GFOD1: variants seen among roughly 807,000 people sequenced by gnomAD.
GFOD1 encodes the protein glucose-fructose oxidoreductase domain-containing protein 1.
In GFOD1, 9 loss-of-function variants were observed where a neutral mutation model predicts 25.4. The ratio of observed to expected loss-of-function variants is 0.35; its 90% CI spans 0.21 to 0.62. The LOEUF is 0.62. Ranked by LOEUF, GFOD1 falls within the 20% of genes least tolerant of loss-of-function variation. The pLI is 0.72. For missense variants in GFOD1, 403 were observed against 556.9 expected (o/e 0.72, Z 2.78); for synonymous variants, 253 against 245.6 (o/e 1.03, Z -0.28).
At position 13,402,294 on chromosome 6, in the gene GFOD1, A is replaced by G. The variant is rs534997502; in HGVS notation, c.254-36632T>C. On this transcript the variant is annotated intron_variant, in intron 1 of 1. Coordinates refer to ENST00000379287, the MANE Select transcript of GFOD1 (RefSeq NM_018988.4). The stretch of plus-strand genomic sequence containing the variant: ...CGGGTTTAGGCAAAGCCTTCTCTAG[A>G]TATAATACCAAAAGACAAGTGACTA... Among the ~76,000 whole-genome samples the G allele has an allele frequency of 1.6e-3, 239 of 152,332 alleles. 1 individual carries two copies. The highest frequency in any genetic ancestry group is 5.4e-3 in the African/African-American group (224 of 41,576).
intron 1 of GFOD1, among the ~76,000 whole-genome samples, chr6:13,372,894 A>G (rs867872314): frequency 8.5e-5 from 13 of 152,200 alleles, no homozygotes; most frequent in African/African-American, 2.4e-4. Flanking sequence ...ATCTTCTAGA[A>G]GCCAAAACGG....
intron 1 of GFOD1, among the ~76,000 whole-genome samples, chr6:13,425,303 T>C (rs1786332871): frequency 1.3e-5 from 2 of 152,136 alleles, no homozygotes; most frequent in Non-Finnish European, 2.9e-5. Flanking sequence ...TTAGTTACCA[T>C]TGTTGCCACC....
At chr6:13,477,924 C>T (rs968225511) in intron 1 of GFOD1, among the ~76,000 whole-genome samples, 75 of 151,896 alleles carry the variant, frequency 4.9e-4, no homozygotes, top group Non-Finnish European at 1.0e-4. Flanking sequence ...ATTAGCCAGG[C>T]GTGGTCGCAA....
At chr6:13,441,046 T>A (rs1757906462) in intron 1 of GFOD1, among the ~76,000 whole-genome samples, 2 of 152,232 alleles carry the variant, frequency 1.3e-5, no homozygotes, top group African/African-American at 4.8e-5. Flanking sequence ...CGTGAAGAAG[T>A]CATCTCACAG....
intron 1 of GFOD1, among the ~76,000 whole-genome samples, chr6:13,368,502 G>C (rs542978): frequency 0.014 from 2,146 of 152,268 alleles, 61 homozygotes; most frequent in African/African-American, 0.049. Flanking sequence ...ACCAGGAACA[G>C]ATTTATATGT....
chr6:13,436,072 G>C (rs922414390), intron 1 of GFOD1, among the ~76,000 whole-genome samples: 1 of 152,188 alleles, frequency 6.6e-6, no homozygotes, highest in African/African-American at 2.4e-5. Flanking sequence ...AGTAACAGTG[G>C]TTTCTCCAAG....
At chr6:13,429,113 G>A (rs1391287986) in intron 1 of GFOD1, among the ~76,000 whole-genome samples, 1 of 152,190 alleles carries the variant, frequency 6.6e-6, no homozygotes, top group African/African-American at 2.4e-5. Flanking sequence ...AAAGAGGAAA[G>A]ACCCCAGCAG....
In GFOD1 at chr6:13,365,559, G is replaced by T. The variant is rs756263431; in HGVS notation, c.357C>A (p.Gly119=). ...AAGCCGGCAGGAAGCGCAGCACGTTGCCCATGATGCTCATGAGCTTGGGGT... is the reference window on the plus strand; with the variant it reads ...AAGCCGGCAGGAAGCGCAGCACGTTTCCCATGATGCTCATGAGCTTGGGGT... ...HYYPKLMSIM[G]NVLRFLPAFV... Residue 119 remains glycine (G), a synonymous_variant, in exon 2 of 2, where the codon GGC becomes GGA. Transcript: ENST00000379287. This position sits in a 1 kb window ranked among gnomAD's most constrained non-coding sequence, Gnocchi z 9.2. 1 of 1,610,872 alleles carries T rather than the reference G, an allele frequency of 6.2e-7. No homozygotes were observed. Among genetic ancestry groups the T allele is most frequent in the Non-Finnish European group, 8.5e-7 (1 of 1,179,956 alleles).
At chr6:13,465,067 T>C (rs1425150076) in intron 1 of GFOD1, among the ~76,000 whole-genome samples, 1 of 152,220 alleles carries the variant, frequency 6.6e-6, no homozygotes, top group Non-Finnish European at 1.5e-5. Flanking sequence ...TCTCATAGTA[T>C]ATTTCTTGTG....
At chr6:13,470,174 C>G in intron 1 of GFOD1, 3 of 1,549,902 alleles carry the variant, frequency 1.9e-6, no homozygotes, top group Non-Finnish European at 2.6e-6. Context: ...GCTTCCCCAG[C>G]ACCTGCGCGC....
intron 1 of GFOD1, among the ~76,000 whole-genome samples, chr6:13,374,273 T>TTGTGTGTG (rs567594703): frequency 2.4e-3 from 321 of 134,398 alleles, no homozygotes; most frequent in African/African-American, 8.9e-3. Flanking sequence ...TGTTTTTTTT[T>TTGTGTGTG]TGTGTGTGTG....
chr6:13,381,905 ACG>A (rs753072626), intron 1 of GFOD1, among the ~76,000 whole-genome samples: 93 of 92,380 alleles, frequency 1.0e-3, no homozygotes, highest in Admixed American at 1.6e-3. Context: ...TAAAACACAC[ACG>A]CGCGCGCGCA....
At chr6:13,393,125 G>A (rs1252365514) in intron 1 of GFOD1, among the ~76,000 whole-genome samples, 1 of 152,020 alleles carries the variant, frequency 6.6e-6, no homozygotes, top group African/African-American at 2.4e-5. Context: ...GGAGGTCAAG[G>A]TGGGTGGATC....
intron 1 of GFOD1, among the ~76,000 whole-genome samples, chr6:13,462,393 C>G (rs1306052077): frequency 6.6e-6 from 1 of 152,168 alleles, no homozygotes; most frequent in Non-Finnish European, 1.5e-5. Flanking sequence ...TGTACCCCAC[C>G]CATCAGAGCC....
At chr6:13,424,956 C>CTTTT (rs571287840) in intron 1 of GFOD1, among the ~76,000 whole-genome samples, 6,930 of 123,670 alleles carry the variant, frequency 0.056, 340 homozygotes, top group African/African-American at 0.1. Flanking sequence ...ACATTTAATT[C>CTTTT]TTTTTTTTTT....
intron 1 of GFOD1, among the ~76,000 whole-genome samples, chr6:13,375,725 G>A (rs963585479): frequency 3.9e-5 from 6 of 152,076 alleles, no homozygotes; most frequent in African/African-American, 1.4e-4. Flanking sequence ...TTTGTGAACC[G>A]TCCCCCATGA....
chr6:13,369,371 ATTAT>A (rs914317992), intron 1 of GFOD1, among the ~76,000 whole-genome samples: 4 of 152,242 alleles, frequency 2.6e-5, no homozygotes, highest in Admixed American at 1.3e-4. Flanking sequence ...TTTTGACTGC[ATTAT>A]TTATTATAGC....
At chr6:13,434,578 G>A (rs1757804741) in intron 1 of GFOD1, among the ~76,000 whole-genome samples, 1 of 152,038 alleles carries the variant, frequency 6.6e-6, no homozygotes. Flanking sequence ...GGCTTTATGG[G>A]AATACAGAAG....
chr6:13,364,108 GAC>G lies in GFOD1; in HGVS notation c.*633_*634del, dbSNP rs1225146271. The G allele has an allele frequency of 2.0e-5, 3 of 152,402 alleles. No individual in the cohort carries two copies. The highest frequency in any genetic ancestry group is 7.2e-5 in the African/African-American group (3 of 41,448). The allele number at this position is 152,402 out of a possible 1,614,324, so 9.4% of individuals were successfully genotyped here. A position where few individuals can be genotyped will look rare whatever the true frequency, so the allele number is the denominator to read the frequency against. On this transcript the variant is annotated 3_prime_UTR_variant, in exon 2 of 2. Coordinates refer to ENST00000379287, the MANE Select transcript of GFOD1 (RefSeq NM_018988.4). The surrounding 1 kb of genome is among the most constrained non-coding windows in gnomAD (Gnocchi z 4.1). ...TGAAGGGCAATGAACCAAGTACAAA[GAC>G]ACACCCTCAGTGCTTCCTATGAGGA...
Sources: allele counts gnomAD v4.1 joint callset (sites outside exome capture counted in the v4.1 genomes callset), GRCh38; gene constraint gnomAD v4.1.1; non-coding constraint Gnocchi (gnomAD v3.1); transcripts MANE v1.5; gene names NCBI Gene and HGNC (gene_info 2026-07-23, HGNC 2026-07-21).